The following KHDRBS2 variants were observed in gnomAD, a reference collection of about 807,000 sequenced individuals.
The protein encoded by KHDRBS2 is KH domain-containing, RNA-binding, signal transduction-associated protein 2.
Under a neutral mutation model 44.3 loss-of-function variants are expected in KHDRBS2, and 26 were observed. The ratio of observed to expected loss-of-function variants is 0.59; its 90% CI spans 0.43 to 0.81. The LOEUF (loss-of-function observed/expected upper bound fraction) is 0.81. Ranked by LOEUF, KHDRBS2 falls within the 40% of genes least tolerant of loss-of-function variation. The pLI is 0.00. For synonymous variants in KHDRBS2, 194 were observed against 151.1 expected (o/e 1.28, Z -2.08); for missense variants, 476 against 433.1 (o/e 1.10, Z -0.88).
chr6:62,241,252 G>A (rs1834618368), intron 1 of KHDRBS2, among the ~76,000 whole-genome samples: 1 of 152,120 alleles, frequency 6.6e-6, no homozygotes, highest in Non-Finnish European at 1.5e-5. Flanking sequence ...TATAATGACA[G>A]TGAAACTACA....
intron 2 of KHDRBS2, among the ~76,000 whole-genome samples, chr6:62,092,619 C>T (rs531696836): frequency 2.9e-4 from 44 of 152,224 alleles, no homozygotes; most frequent in African/African-American, 9.9e-4. Flanking sequence ...GTAACTCTGC[C>T]TCTTCTATTA....
intron 3 of KHDRBS2, among the ~76,000 whole-genome samples, chr6:62,022,552 A>G (rs1377681847): frequency 6.6e-6 from 1 of 151,776 alleles, no homozygotes; most frequent in Admixed American, 6.6e-5. Flanking sequence ...TAAGTTTATA[A>G]TGACAATTGA....
chr6:61,765,725 C>A (rs1779911881), intron 6 of KHDRBS2, among the ~76,000 whole-genome samples: 3 of 151,860 alleles, frequency 2.0e-5, no homozygotes, highest in Admixed American at 2.0e-4. Flanking sequence ...TTATCAAATG[C>A]TTTTTCAGCA....
chr6:61,799,156 A>G (rs964194786), intron 6 of KHDRBS2, among the ~76,000 whole-genome samples: 2 of 152,020 alleles, frequency 1.3e-5, no homozygotes, highest in Non-Finnish European at 2.9e-5. Context: ...ATCTGTTACA[A>G]AACATTATGC....
chr6:62,254,453 T>A (rs1195850401), intron 1 of KHDRBS2, among the ~76,000 whole-genome samples: 1 of 151,138 alleles, frequency 6.6e-6, no homozygotes, highest in East Asian at 2.0e-4. Flanking sequence ...CAGAGGGGAG[T>A]GAGGAGGTTA....
chr6:62,160,615 C>T (rs146620036), intron 2 of KHDRBS2, among the ~76,000 whole-genome samples: 129 of 152,074 alleles, frequency 8.5e-4, no homozygotes, highest in East Asian at 3.7e-3. Flanking sequence ...AAGATGACCA[C>T]GGCTACTCTG....
intron 4 of KHDRBS2, among the ~76,000 whole-genome samples, chr6:61,952,392 T>C (rs1764942726): frequency 6.6e-6 from 1 of 152,060 alleles, no homozygotes; most frequent in Admixed American, 6.6e-5. Context: ...CCTAATCTTT[T>C]TTCTATAATC....
chr6:61,908,840 A>T (rs967922885), intron 4 of KHDRBS2, among the ~76,000 whole-genome samples: 19 of 152,152 alleles, frequency 1.2e-4, no homozygotes, highest in Admixed American at 5.9e-4. Context: ...AATTACCGGG[A>T]TTCCACACTT....
chr6:61,761,719 T>A (rs903951566), intron 6 of KHDRBS2, among the ~76,000 whole-genome samples: 1 of 152,200 alleles, frequency 6.6e-6, no homozygotes, highest in African/African-American at 2.4e-5. Flanking sequence ...TTAACCCTTA[T>A]TTGAATTTTG....
intron 2 of KHDRBS2, among the ~76,000 whole-genome samples, chr6:62,052,577 C>T (rs77895011): frequency 0.038 from 3,916 of 103,962 alleles, 193 homozygotes; most frequent in African/African-American, 0.13. Context: ...GGACCAGTTG[C>T]GTGGAAGACA....
chr6:61,832,840 A>T (rs1180917462), intron 6 of KHDRBS2, among the ~76,000 whole-genome samples: 1 of 152,188 alleles, frequency 6.6e-6, no homozygotes, highest in Non-Finnish European at 1.5e-5. Context: ...GGCTTGCGTG[A>T]TTGAACCATG....
chr6:61,978,322 G>T, intron 3 of KHDRBS2, 110 bp from the exon 4 acceptor site: 2 of 757,104 alleles, frequency 2.6e-6, no homozygotes, highest in South Asian at 2.3e-5. Flanking sequence ...TCCATAATTT[G>T]CTTCCATAAT....
intron 6 of KHDRBS2, among the ~76,000 whole-genome samples, chr6:61,876,179 T>G (rs1376049089): frequency 2.0e-5 from 3 of 152,040 alleles, no homozygotes; most frequent in Non-Finnish European, 4.4e-5. Flanking sequence ...GCCTTACTGA[T>G]TGCTGAAGTC....
chr6:61,909,807 C>G (rs1805718261), intron 4 of KHDRBS2, among the ~76,000 whole-genome samples: 1 of 152,172 alleles, frequency 6.6e-6, no homozygotes, highest in Admixed American at 6.5e-5. Context: ...CATATGGATG[C>G]CAGGTAATGA....
intron 6 of KHDRBS2, among the ~76,000 whole-genome samples, chr6:61,833,065 T>TAAA (rs1792095275): frequency 6.6e-6 from 1 of 152,190 alleles, no homozygotes; most frequent in African/African-American, 2.4e-5. Flanking sequence ...ATTTAGCAAT[T>TAAA]TAGTTTTGTT....
intron 2 of KHDRBS2, among the ~76,000 whole-genome samples, chr6:62,112,064 G>A (rs930060449): frequency 1.4e-4 from 21 of 152,012 alleles, no homozygotes; most frequent in African/African-American, 4.1e-4. Flanking sequence ...TAACTGATAC[G>A]TGAAAAATTA....
chr6:61,632,810 C>T, the KHDRBS2 span, among the ~76,000 whole-genome samples: 8 of 152,032 alleles, frequency 5.3e-5, no homozygotes, highest in Admixed American at 5.3e-4. Context: ...TCCCACAGAT[C>T]TCAGGTCACA....
chr6:61,562,509 T>G, the KHDRBS2 span, among the ~76,000 whole-genome samples: 1 of 152,154 alleles, frequency 6.6e-6, no homozygotes, highest in Non-Finnish European at 1.5e-5. Context: ...TCTTAGAGTT[T>G]TTACTCTTTA....
intron 2 of KHDRBS2, among the ~76,000 whole-genome samples, chr6:62,107,930 T>C (rs975251092): frequency 7.2e-5 from 11 of 152,200 alleles, no homozygotes; most frequent in South Asian, 6.2e-4. Flanking sequence ...TTACACCTTA[T>C]ACAAAAATTA....
Sources: allele counts gnomAD v4.1 joint callset (sites outside exome capture counted in the v4.1 genomes callset), GRCh38; gene constraint gnomAD v4.1.1; transcripts MANE v1.5; gene names NCBI Gene and HGNC (gene_info 2026-07-23, HGNC 2026-07-21).